Variants in HSD17B4 observed in about 807,000 individuals in gnomAD.
The protein encoded by HSD17B4 is hydroxysteroid 17-beta dehydrogenase 4, also known as peroxisomal multifunctional enzyme type 2.
In HSD17B4, 70 loss-of-function variants were observed where a neutral mutation model predicts 101.0. The ratio of observed to expected loss-of-function variants is 0.69; its 90% CI spans 0.57 to 0.85. The LOEUF (loss-of-function observed/expected upper bound fraction) is 0.85. Among genes scored for constraint, HSD17B4 ranks in the 40% least tolerant of loss-of-function variants. The pLI, the probability that HSD17B4 is intolerant of heterozygous loss-of-function variation, is 0.00. For missense variants in HSD17B4, 984 were observed against 892.4 expected (o/e 1.10, Z -1.31); for synonymous variants, 347 against 297.1 (o/e 1.17, Z -1.73).
intron 3 of HSD17B4, 151 bp from the exon 4 acceptor site, chr5:119,474,250 T>A: frequency 1.4e-6 from 1 of 718,298 alleles, no homozygotes; most frequent in Non-Finnish European, 2.6e-6. Context: ...AGTGAGCACA[T>A]GATATAATTA....
At chr5:119,528,123 T>C (rs542223664) in intron 20 of HSD17B4, among the ~76,000 whole-genome samples, 1 of 152,248 alleles carries the variant, frequency 6.6e-6, no homozygotes, top group East Asian at 1.9e-4. Flanking sequence ...TTAATATGCA[T>C]AATAAATCTG....
rs932942510 is a variant in HSD17B4, at chr5:119,542,200, A to T, written c.*206A>T. On this transcript the variant is annotated 3_prime_UTR_variant, in exon 24 of 24. Coordinates refer to ENST00000510025, the MANE Select transcript of HSD17B4 (RefSeq NM_000414.4). ...CAAGGAACTATATATAAGCTAGCAC[A>T]TAATTATCCTTCTGTTCTTAGATCT... The T allele has an allele frequency of 9.4e-5, 47 of 497,900 alleles. No individual in the cohort carries two copies. The highest frequency in any genetic ancestry group is 8.6e-4 in the African/African-American group (44 of 51,142). The allele number at this position is 497,900 out of a possible 1,614,324, so 30.8% of individuals were successfully genotyped here.
intron 22 of HSD17B4, among the ~76,000 whole-genome samples, chr5:119,531,789 C>G (rs11957255): frequency 0.099 from 15,023 of 152,048 alleles, 870 homozygotes; most frequent in African/African-American, 0.17. Context: ...TGATATTTGA[C>G]AGTTACAAAA....
chr5:119,512,568 A>G (rs1295400886), intron 16 of HSD17B4, among the ~76,000 whole-genome samples: 1 of 152,150 alleles, frequency 6.6e-6, no homozygotes, highest in East Asian at 1.9e-4. Context: ...GAAAGGAAAA[A>G]AAAAAAATAC....
At chr5:119,473,273 C>CTT (rs11408993) in intron 2 of HSD17B4, among the ~76,000 whole-genome samples, 3,062 of 36,886 alleles carry the variant, frequency 0.083, 183 homozygotes, top group East Asian at 0.31. Flanking sequence ...GTGGATGAAT[C>CTT]TTTTTTTTTT....
At position 119,525,929 on chromosome 5, in the gene HSD17B4, C is replaced by T. The variant is rs1554068269; in HGVS notation, c.1586C>T (p.Pro529Leu). 2 of 1,602,408 alleles carry T rather than the reference C, an allele frequency of 1.2e-6. No homozygotes were observed. The highest frequency in any genetic ancestry group is 1.7e-6 in the Non-Finnish European group (2 of 1,169,788). The change falls in exon 19 of 24, where the codon CCC (proline) becomes CTC (leucine). Residue 529 changes from proline (P) to leucine (L), a missense_variant. Pro to Leu is a moderately conservative substitution (Grantham distance 98, BLOSUM62 -3). Transcript: ENST00000510025. ...NFASLAGFDKPILHGLCTFGF... is the reference protein window; with the variant it reads ...NFASLAGFDKLILHGLCTFGF... ...TCTCTTTTCCTAGGTTTTGACAAGCCCATATTACATGGATTATGTACATTT... is the reference window on the plus strand; with the variant it reads ...TCTCTTTTCCTAGGTTTTGACAAGCTCATATTACATGGATTATGTACATTT...
chr5:119,481,428 G>A (rs967986331), intron 8 of HSD17B4, among the ~76,000 whole-genome samples: 1 of 152,102 alleles, frequency 6.6e-6, no homozygotes, highest in Admixed American at 6.6e-5. Context: ...TTCTCTGTTG[G>A]TGGCTTTTTT....
chr5:119,473,242 TTTC>T (rs778660681), intron 2 of HSD17B4, among the ~76,000 whole-genome samples: 1 of 151,792 alleles, frequency 6.6e-6, no homozygotes, highest in Non-Finnish European at 1.5e-5. Flanking sequence ...TTTCACATTT[TTTC>T]TTTTCTTTTG....
Position 119,502,063 on chromosome 5 carries a change from T to TA in HSD17B4, c.1233dup (p.Glu412ArgfsTer4), listed in dbSNP as rs2126790164. Reference sequence around the variant, plus strand: ...TAGGTTCTTCATGGAGAGCAGTACTTAGAGTTATATAAACCACTTCCCAGA... The same window carrying TA: ...TAGGTTCTTCATGGAGAGCAGTACTTAAGAGTTATATAAACCACTTCCCAGA... On this transcript the variant is annotated frameshift_variant, in exon 14 of 24. Transcript: ENST00000510025. LOFTEE classifies it high-confidence loss of function. 2 of 1,604,444 alleles carry TA rather than the reference T, an allele frequency of 1.2e-6. No homozygotes were observed. The highest frequency in any genetic ancestry group is 1.7e-6 in the Non-Finnish European group (2 of 1,171,364).
intron 2 of HSD17B4, among the ~76,000 whole-genome samples, chr5:119,460,935 G>T (rs778915889): frequency 7.2e-5 from 11 of 152,176 alleles, no homozygotes; most frequent in Non-Finnish European, 1.0e-4. Flanking sequence ...AGGTTACTGA[G>T]GCTGCAGCAG....
intron 21 of HSD17B4, 128 bp from the exon 22 acceptor site, chr5:119,531,138 T>C (rs1442235051): frequency 7.3e-6 from 6 of 817,322 alleles, no homozygotes; most frequent in East Asian, 2.6e-5. Context: ...GAAAGACACA[T>C]TGTATGAAGA....
At position 119,517,187 on chromosome 5, in the gene HSD17B4, C is replaced by G. The variant is rs981385678; in HGVS notation, c.1503+2141C>G. Among the ~76,000 whole-genome samples the G allele has an allele frequency of 8.5e-5, 13 of 152,332 alleles. No individual in the cohort carries two copies. The East Asian group carries it at 1.5e-3, about 18-fold the overall frequency. On this transcript the variant is annotated intron_variant, in intron 17 of 23. Transcript: ENST00000510025. ...CTGGGTGGGCGTGGGCTTGGCGGGC[C>G]CGGCACTCAGAGCAGCTGGCCGGCC...
chr5:119,506,281 C>T (rs1222942792), intron 14 of HSD17B4, among the ~76,000 whole-genome samples: 1 of 152,146 alleles, frequency 6.6e-6, no homozygotes, highest in Non-Finnish European at 1.5e-5. Context: ...ATTTTCTGAT[C>T]TTGTGATAGT....
intron 8 of HSD17B4, among the ~76,000 whole-genome samples, chr5:119,485,918 C>G (rs1749574843): frequency 6.6e-6 from 1 of 152,138 alleles, no homozygotes; most frequent in South Asian, 2.1e-4. Flanking sequence ...AGGAATTTAG[C>G]CTGGCTAGGA....
intron 2 of HSD17B4, among the ~76,000 whole-genome samples, chr5:119,461,869 G>A (rs910992554): frequency 1.3e-5 from 2 of 152,142 alleles, no homozygotes; most frequent in African/African-American, 4.8e-5. Flanking sequence ...GGGTGACAGT[G>A]ATACCCTGTC....
intron 14 of HSD17B4, 51 bp downstream of exon 14, chr5:119,502,143 T>A: frequency 8.7e-7 from 1 of 1,154,242 alleles, no homozygotes; most frequent in Non-Finnish European, 1.3e-6. Flanking sequence ...ATTTCCAGAT[T>A]AACCTTTTAA....
Position 119,456,370 on chromosome 5 carries a change from T to C in HSD17B4, c.112+2T>C. On this transcript the variant is annotated splice_donor_variant, in intron 2 of 23. Coordinates refer to ENST00000510025, the MANE Select transcript of HSD17B4 (RefSeq NM_000414.4). LOFTEE classifies it high-confidence loss of function. ...CAGAAAGAGGAGCGTTAGTTGTTGG[T>C]AAGTTGGTGTGTTTTTCTTTTTAAT... 6.3e-7 allele frequency: 1 copy of C among 1,592,172 alleles called. No individual in the cohort carries two copies. Among genetic ancestry groups the C allele is most frequent in the Non-Finnish European group, 8.6e-7 (1 of 1,159,954 alleles).
rs32651 is a variant in HSD17B4, at chr5:119,456,137, G to A, written c.59-178G>A. ...GAAAAATACAGTTTTAAGCTTTCCA[G>A]CCTCTGCAAGCAGAAGAGAGTGGAT... is the stretch of plus-strand genomic sequence containing the variant. On this transcript the variant is annotated intron_variant, in intron 1 of 23. Transcript: ENST00000510025. Among the ~76,000 whole-genome samples, 78,183 of 151,800 alleles carry A rather than the reference G, an allele frequency of 0.52. 20,704 individuals are homozygous for A. The highest frequency in any genetic ancestry group is 0.92 in the East Asian group (4,756 of 5,154).
chr5:119,454,719 TCAAA>T (rs1483850577), intron 1 of HSD17B4, among the ~76,000 whole-genome samples: 1 of 152,132 alleles, frequency 6.6e-6, no homozygotes, highest in African/African-American at 2.4e-5. Flanking sequence ...CCTTCCGGGT[TCAAA>T]CAATTCTCCT....
Sources: gnomAD v4.1 joint callset for allele counts (sites outside exome capture counted in the v4.1 genomes callset) on GRCh38, gnomAD v4.1.1 for gene constraint, MANE v1.5 for transcripts, NCBI Gene and HGNC (gene_info 2026-07-23, HGNC 2026-07-21) for gene names.